RFX1: variants seen among roughly 807,000 people sequenced by gnomAD.
RFX1 encodes regulatory factor X1.
Under a neutral mutation model 119.6 loss-of-function variants are expected in RFX1, and 42 were observed. That is an observed-to-expected ratio of 0.35 (90% CI 0.27 to 0.45). The LOEUF (loss-of-function observed/expected upper bound fraction) is 0.45, where lower values mean the gene tolerates loss of function less well. RFX1 is among the 20% of genes least tolerant of loss of function. The pLI, the probability that RFX1 is intolerant of heterozygous loss-of-function variation, is 1.00. For missense variants in RFX1, 1,118 were observed against 1,368.1 expected (o/e 0.82, Z 2.88); for synonymous variants, 628 against 618.5 (o/e 1.02, Z -0.23).
rs1555752893 is a variant in RFX1, at chr19:13,980,731, T to TACATCCTCTCTGGGGTGGGCTC, written c.622-43_622-42insGAGCCCACCCCAGAGAGGATGT. 4 of 1,201,546 alleles carry TACATCCTCTCTGGGGTGGGCTC rather than the reference T, an allele frequency of 3.3e-6. No homozygotes were observed. The highest frequency in any genetic ancestry group is 4.7e-6 in the Non-Finnish European group (4 of 842,370). The allele number at this position is 1,201,546 out of a possible 1,614,324, so 74.4% of individuals were successfully genotyped here. A position where few individuals can be genotyped will look rare whatever the true frequency, so the allele number is the denominator to read the frequency against. The stretch of plus-strand genomic sequence containing the variant: ...CACAGGAGTGCCGCTGGGGTGGGCT[T>TACATCCTCTCTGGGGTGGGCTC]GCATCCTCTCTGAGGTGGGCTCACA... On this transcript the variant is annotated intron_variant, in intron 5 of 20. Transcript: ENST00000254325. This position sits in a 1 kb window ranked among gnomAD's most constrained non-coding sequence, Gnocchi z 5.1.
At position 13,970,136 on chromosome 19, in the gene RFX1, C is replaced by G. The variant is rs1413161203; in HGVS notation, c.1354G>C (p.Val452Leu). 2 of 1,612,972 alleles carry G rather than the reference C, an allele frequency of 1.2e-6. No homozygotes were observed. The highest frequency in any genetic ancestry group is 3.3e-5 in the Admixed American group (2 of 59,850). ...LLDNYETAEG[V>L]SLPRSTLYCH... ...TAGAGGGTGCTCCGTGGCAGACTCA[C>G]GCCCTCAGCCGTCTCATAGTTGTCC... The change falls in exon 10 of 21, where the codon GTG becomes CTG. Residue 452 changes from valine to leucine, a missense_variant. Transcript: ENST00000254325.
intron 1 of RFX1, among the ~76,000 whole-genome samples, chr19:13,995,561 C>A (rs563525186): frequency 1.2e-3 from 183 of 152,256 alleles, no homozygotes; most frequent in Non-Finnish European, 2.1e-3. Context: ...CAGAACAGGG[C>A]CGGCCTTGGC....
chr19:14,000,451 C>A (rs1034369371), intron 1 of RFX1, among the ~76,000 whole-genome samples: 1 of 151,846 alleles, frequency 6.6e-6, no homozygotes, highest in Non-Finnish European at 1.5e-5. Flanking sequence ...TGTGCCACTG[C>A]ATGCATACAA....
Position 13,962,728 on chromosome 19 carries a change from G to T in RFX1, c.2907C>A (p.Arg969=). The change falls in exon 21 of 21, where the codon CGC becomes CGA. Residue 969 remains arginine, a synonymous_variant. Coordinates refer to ENST00000254325, the MANE Select transcript of RFX1 (RefSeq NM_002918.5). The part of the protein sequence containing the change: ...PPAKLARTDA[R]GLFVQALPSS ...AGGGCAGCGCCTGCACGAAGAGGCC[G>T]CGCGCGTCAGTCCGCGCCAGCTTGG... is the stretch of plus-strand genomic sequence containing the variant. 1 of 1,530,258 alleles carries T rather than the reference G, an allele frequency of 6.5e-7. No individual in the cohort carries two copies. Among genetic ancestry groups the T allele is most frequent in the South Asian group, 1.2e-5 (1 of 83,618 alleles). The allele number at this position is 1,530,258 out of a possible 1,614,324, so 94.8% of individuals were successfully genotyped here. A position where few individuals can be genotyped will look rare whatever the true frequency, so the allele number is the denominator to read the frequency against.
Position 13,963,964 on chromosome 19 carries a change from G to T in RFX1, c.2255C>A (p.Thr752Lys). ...CGCCTGCGCCAGGTGGTTGAGCGAC[G>T]TGTAGCGCCGCAGTGTCTGCGCGAA... is the stretch of plus-strand genomic sequence containing the variant. ...GAFAQTLRRY[T>K]SLNHLAQAAR... is the part of the protein sequence containing the mutation. Residue 752 changes from threonine (T) to lysine (K), a missense_variant, in exon 17 of 21, where the codon ACG becomes AAG. By Grantham distance (78) the Thr-to-Lys change is moderately conservative. Transcript: ENST00000254325. The T allele has an allele frequency of 6.5e-7, 1 of 1,541,526 alleles. No homozygotes were observed. Among genetic ancestry groups the T allele is most frequent in the Non-Finnish European group, 8.7e-7 (1 of 1,147,290 alleles).
intron 16 of RFX1, among the ~76,000 whole-genome samples, chr19:13,964,824 A>G (rs1973842041): frequency 6.6e-6 from 1 of 152,272 alleles, no homozygotes; most frequent in East Asian, 1.9e-4. Context: ...GGGAGAGGAC[A>G]GGGGTTTTGT....
chr19:13,988,597 G>A (rs1335457819), intron 2 of RFX1, among the ~76,000 whole-genome samples: 1 of 152,226 alleles, frequency 6.6e-6, no homozygotes, highest in Non-Finnish European at 1.5e-5. Context: ...TGTGCTAGGT[G>A]CTCCTCTAGG....
chr19:14,001,167 C>T (rs1266427584), intron 1 of RFX1, among the ~76,000 whole-genome samples: 1 of 152,216 alleles, frequency 6.6e-6, no homozygotes, highest in African/African-American at 2.4e-5. Flanking sequence ...CCCACCGCCA[C>T]CTTCACGGCT....
At position 13,963,263 on chromosome 19, in the gene RFX1, G is replaced by A. The variant is rs1210973299; in HGVS notation, c.2583C>T (p.Ile861=). Residue 861 remains isoleucine, a synonymous_variant, in exon 19 of 21, where the codon ATC becomes ATT. Coordinates refer to ENST00000254325, the MANE Select transcript of RFX1 (RefSeq NM_002918.5). The stretch of plus-strand genomic sequence containing the variant: ...CGGCGCTGCGCAGGGTCAGGTCCCG[G>A]ATCACCATGGAGCTGGGGATGGAGA... The part of the protein sequence containing the change: ...LKWSFYSSMV[I]RDLTLRSAAS... 2 of 1,610,050 alleles carry A rather than the reference G, an allele frequency of 1.2e-6. No individual in the cohort carries two copies. The highest frequency in any genetic ancestry group is 8.5e-7 in the Non-Finnish European group (1 of 1,179,156).
At chr19:14,000,208 G>A (rs965122278) in intron 1 of RFX1, among the ~76,000 whole-genome samples, 2 of 152,088 alleles carry the variant, frequency 1.3e-5, no homozygotes, top group Admixed American at 6.6e-5. Flanking sequence ...CCTAGAGGCC[G>A]GGCGTGGTGG....
chr19:13,982,990 G>T, intron 4 of RFX1, 197 bp downstream of exon 4: 1 of 572,392 alleles, frequency 1.7e-6, no homozygotes, highest in Non-Finnish European at 3.1e-6. Flanking sequence ...GGCTCCTGCA[G>T]CTCCTCTGTC....
intron 7 of RFX1, 79 bp from the exon 8 acceptor site, chr19:13,978,165 C>T: frequency 2.0e-6 from 2 of 1,024,080 alleles, no homozygotes; most frequent in East Asian, 2.5e-5. Context: ...CTGGTGCCCA[C>T]CCAGGCTATC....
In RFX1 at chr19:13,969,778, G is replaced by A. The variant is rs1974015751; in HGVS notation, c.1496+216C>T. On this transcript the variant is annotated intron_variant, in intron 10 of 20. Coordinates refer to ENST00000254325, the MANE Select transcript of RFX1 (RefSeq NM_002918.5). The surrounding 1 kb of genome is among the most constrained non-coding windows in gnomAD (Gnocchi z 4.5). ...CTGCAGTTTTAGTTGAGGCAGTCAGGGGACGTGCAAGTAAGGAGGGGTGAG... is the reference window on the plus strand; with the variant it reads ...CTGCAGTTTTAGTTGAGGCAGTCAGAGGACGTGCAAGTAAGGAGGGGTGAG... The A allele has an allele frequency of 4.1e-6, 2 of 481,968 alleles. No homozygotes were observed. Among genetic ancestry groups the A allele is most frequent in the South Asian group, 4.0e-5 (1 of 24,898 alleles). 29.9% of individuals were successfully genotyped at this position (481,968 alleles called of 1,614,324 possible).
rs765259605 is a variant in RFX1 at position 13,972,839 on chromosome 19, G to A, written c.1218C>T (p.Gly406=). ...TCACGTAGGTGCCTGCTCCGCTGCC[G>A]CCGCCTCCGGTGCTGCCACTGCCAC... is the stretch of plus-strand genomic sequence containing the variant. ...GGGGSGSTGG[G]GSGAGTYVIQ... is the part of the protein sequence containing the mutation. The change falls in exon 9 of 21, where the codon GGC becomes GGT. Residue 406 remains glycine, a synonymous_variant. Coordinates refer to ENST00000254325, the MANE Select transcript of RFX1 (RefSeq NM_002918.5). 1.6e-4 allele frequency: 256 copies of A among 1,583,262 alleles called. 2 individuals carry two copies. The highest frequency in any genetic ancestry group is 1.6e-4 in the South Asian group (14 of 88,222).
chr19:13,996,182 C>A (rs1357212408), intron 1 of RFX1, among the ~76,000 whole-genome samples: 1 of 152,208 alleles, frequency 6.6e-6, no homozygotes, highest in Non-Finnish European at 1.5e-5. Flanking sequence ...GACCCTTGTA[C>A]TCATAAGCCC....
In RFX1 at chr19:13,964,025, G is replaced by T; in HGVS notation, c.2212-18C>A. 6.5e-7 allele frequency: 1 copy of T among 1,527,858 alleles called. No homozygotes were observed. 94.6% of individuals were successfully genotyped at this position (1,527,858 alleles called of 1,614,324 possible). A position where few individuals can be genotyped will look rare whatever the true frequency, so the allele number is the denominator to read the frequency against. On this transcript the variant is annotated intron_variant, in intron 16 of 20. Coordinates refer to ENST00000254325, the MANE Select transcript of RFX1 (RefSeq NM_002918.5). The stretch of plus-strand genomic sequence containing the variant: ...GCGGCCACCTGCGTGCAGGGATTGA[G>T]GGGCTTGCTGCTTCCAAGGAACCCC...
chr19:13,963,952 T>C lies in RFX1; in HGVS notation c.2267A>G (p.His756Arg). 6.5e-7 allele frequency: 1 copy of C among 1,543,908 alleles called. No homozygotes were observed. The highest frequency in any genetic ancestry group is 8.7e-7 in the Non-Finnish European group (1 of 1,147,366). ...CACAGCGCGCGCCGCCTGCGCCAGG[T>C]GGTTGAGCGACGTGTAGCGCCGCAG... is the stretch of plus-strand genomic sequence containing the variant. ...QTLRRYTSLN[H>R]LAQAARAVLQ... Residue 756 changes from histidine (H) to arginine (R), a missense_variant, in exon 17 of 21, where the codon CAC becomes CGC. Physicochemically the swap from His to Arg is conservative, Grantham distance 29 (BLOSUM62 0). Coordinates refer to ENST00000254325, the MANE Select transcript of RFX1 (RefSeq NM_002918.5).
At chr19:13,992,952 C>A (rs961263529) in intron 2 of RFX1, among the ~76,000 whole-genome samples, 1 of 152,028 alleles carries the variant, frequency 6.6e-6, no homozygotes, top group South Asian at 2.1e-4. Context: ...GGCAATATGG[C>A]GAGACCTCAT....
chr19:13,967,222 G>GT lies in RFX1; in HGVS notation c.1733-472dup, dbSNP rs1973932802. Among the ~76,000 whole-genome samples the GT allele has an allele frequency of 2.0e-5, 3 of 152,218 alleles. No homozygotes were observed. In the South Asian group the frequency reaches 6.2e-4, roughly 32 times the overall value. On this transcript the variant is annotated intron_variant, in intron 12 of 20. Coordinates refer to ENST00000254325, the MANE Select transcript of RFX1 (RefSeq NM_002918.5). ...TGGGATGTCCCGGCCTCCAGGGCAG[G>GT]TGGGGAAATGAGCTCCCACGTGCTC...
Sources: allele counts gnomAD v4.1 joint callset (sites outside exome capture counted in the v4.1 genomes callset), GRCh38; gene constraint gnomAD v4.1.1; non-coding constraint Gnocchi (gnomAD v3.1); transcripts MANE v1.5; gene names NCBI Gene and HGNC (gene_info 2026-07-23, HGNC 2026-07-21).